RAB9B: variants seen among roughly 807,000 people sequenced by gnomAD.
RAB9B encodes the protein ras-related protein Rab-9B.
Under a neutral mutation model 8.9 loss-of-function variants are expected in RAB9B, and 1 was observed. That is an observed-to-expected ratio of 0.11 (90% CI 0.04 to 0.53). RAB9B has a LOEUF of 0.53. Ranked by LOEUF, RAB9B falls within the 20% of genes least tolerant of loss-of-function variation. The pLI is 0.93. For missense variants in RAB9B, 82 were observed against 152.9 expected, an observed-to-expected ratio of 0.54 and a Z score of 2.45; for synonymous variants, 63 against 57.0, an observed-to-expected ratio of 1.10 and a Z score of -0.47.
the RAB9B span, chrX:103,781,248 G>A: frequency 6.4e-6 from 2 of 313,117 alleles, no homozygotes; most frequent in South Asian, 5.5e-5. Context: ...GGAGCTCTTG[G>A]TGCCTGCTTA....
chrX:103,820,783 C>G (rs1210515553), downstream of RAB9B, among the ~76,000 whole-genome samples: 2 of 110,648 alleles, frequency 1.8e-5, no homozygotes, highest in Non-Finnish European at 3.8e-5. Flanking sequence ...AGCCCTGTCT[C>G]TACAACAAAT....
At chrX:103,804,656 C>T in the RAB9B span, among the ~76,000 whole-genome samples, 4 of 111,887 alleles carry the variant, frequency 3.6e-5, no homozygotes, top group African/African-American at 1.3e-4. Context: ...TTCATGAAAA[C>T]AGAACACCTT....
the RAB9B span, among the ~76,000 whole-genome samples, chrX:103,810,645 C>A: frequency 3.6e-5 from 4 of 111,971 alleles, no homozygotes; most frequent in Admixed American, 3.8e-4. Flanking sequence ...TTCCTCTAGG[C>A]TTCTCATGCC....
the RAB9B span, chrX:103,785,487 C>G: frequency 1.3e-5 from 10 of 793,546 alleles, no homozygotes; most frequent in Admixed American, 1.1e-4. Context: ...TGCCCACTAT[C>G]TCCGAGCCTG....
chrX:103,808,625 T>A, the RAB9B span, among the ~76,000 whole-genome samples: 1 of 112,775 alleles, frequency 8.9e-6, no homozygotes, highest in East Asian at 2.8e-4. Context: ...AGCCCAGTGC[T>A]CCTGAGCTTT....
chrX:103,818,929 G>C (rs925936592), downstream of RAB9B, among the ~76,000 whole-genome samples: 1 of 110,519 alleles, frequency 9.0e-6, no homozygotes, highest in African/African-American at 3.3e-5. Flanking sequence ...AGCATTTATC[G>C]GTCACTCTAA....
the RAB9B span, among the ~76,000 whole-genome samples, chrX:103,778,412 G>A: frequency 8.9e-6 from 1 of 112,092 alleles, no homozygotes; most frequent in Admixed American, 9.4e-5. Context: ...CAGATGAGAG[G>A]TGAATGTTGG....
chrX:103,829,409 A>AT (rs1275700504), intron 1 of RAB9B, among the ~76,000 whole-genome samples: 12 of 111,795 alleles, frequency 1.1e-4, no homozygotes, highest in Non-Finnish European at 1.9e-5. Context: ...ACTCCCATTT[A>AT]TTTTCTAGAA....
chrX:103,811,467 G>A, the RAB9B span, among the ~76,000 whole-genome samples: 60 of 111,881 alleles, frequency 5.4e-4, 1 homozygote, highest in Admixed American at 2.6e-3. Context: ...CTCTTGCAAT[G>A]TCTAGGGGTT....
downstream of RAB9B, among the ~76,000 whole-genome samples, chrX:103,817,835 C>A (rs2074645637): frequency 1.8e-5 from 2 of 111,079 alleles, no homozygotes; most frequent in African/African-American, 3.3e-5. Flanking sequence ...TTATTTCTAG[C>A]AATTCTTTTA....
chrX:103,788,984 G>A, the RAB9B span: 1 of 327,593 alleles, frequency 3.1e-6, no homozygotes, highest in South Asian at 4.2e-5. Context: ...ATGAGGCAGG[G>A]GAATAAAAGT....
At chrX:103,799,004 C>A in the RAB9B span, among the ~76,000 whole-genome samples, 1 of 108,470 alleles carries the variant, frequency 9.2e-6, no homozygotes, top group East Asian at 2.8e-4. Flanking sequence ...GCAAGTTAAA[C>A]ATGCCCTGTT....
the RAB9B span, among the ~76,000 whole-genome samples, chrX:103,779,239 T>C: frequency 1.8e-5 from 2 of 112,187 alleles, no homozygotes; most frequent in Non-Finnish European, 3.8e-5. Flanking sequence ...CAGCAAAACA[T>C]TGTCTGCAAG....
the RAB9B span, among the ~76,000 whole-genome samples, chrX:103,807,859 G>C: frequency 3.2e-4 from 36 of 112,243 alleles, 1 homozygote; most frequent in East Asian, 6.2e-3. Context: ...CACAGCTGTG[G>C]TCAAACCCAG....
the RAB9B span, chrX:103,786,963 T>G: frequency 8.4e-5 from 36 of 426,403 alleles, no homozygotes; most frequent in Admixed American, 4.5e-4. Flanking sequence ...GCATGAGTTT[T>G]GTGGGATGCT....
the RAB9B span, among the ~76,000 whole-genome samples, chrX:103,808,736 G>A: frequency 1.8e-5 from 2 of 112,881 alleles, no homozygotes; most frequent in African/African-American, 3.2e-5. Flanking sequence ...GAGGCCAGGT[G>A]AGCTGGGGCC....
At chrX:103,811,020 C>A in the RAB9B span, among the ~76,000 whole-genome samples, 1 of 111,589 alleles carries the variant, frequency 9.0e-6, no homozygotes, top group African/African-American at 3.3e-5. Context: ...ATGTGGAATC[C>A]TTGTTTTGAG....
the RAB9B span, among the ~76,000 whole-genome samples, chrX:103,807,326 A>T: frequency 9.0e-6 from 1 of 111,464 alleles, no homozygotes; most frequent in Non-Finnish European, 1.9e-5. Flanking sequence ...TTCTAGCCCC[A>T]AGTCTGATCT....
the RAB9B span, among the ~76,000 whole-genome samples, chrX:103,785,253 T>G: frequency 9.0e-6 from 1 of 111,707 alleles, no homozygotes; most frequent in African/African-American, 3.3e-5. Flanking sequence ...ATTTTTGTAT[T>G]TTTAGTAGAG....
Sources: allele counts gnomAD v4.1 joint callset (sites outside exome capture counted in the v4.1 genomes callset), GRCh38; gene constraint gnomAD v4.1.1; transcripts MANE v1.5; gene names NCBI Gene and HGNC (gene_info 2026-07-23, HGNC 2026-07-21).